Variants in JHY observed in about 807,000 individuals in gnomAD.
The protein encoded by JHY is jhy protein homolog.
Under a neutral mutation model 78.0 loss-of-function variants are expected in JHY, and 69 were observed. The ratio of observed to expected loss-of-function variants is 0.88; its 90% confidence interval spans 0.73 to 1.08. The LOEUF is 1.08. Among genes scored for constraint, JHY ranks in the 50% least tolerant of loss-of-function variants. JHY has a pLI of 0.00. For missense variants in JHY, 944 were observed against 927.8 expected, an observed-to-expected ratio of 1.02 and a Z score of -0.23; for synonymous variants, 368 against 342.6, an observed-to-expected ratio of 1.07 and a Z score of -0.82.
chr11:122,948,037 C>G (rs937288754), intron 6 of JHY, among the ~76,000 whole-genome samples: 24 of 152,158 alleles, frequency 1.6e-4, no homozygotes, highest in Non-Finnish European at 2.6e-4. Context: ...CATCAGCAGA[C>G]AACACTCCCA....
intron 2 of JHY, among the ~76,000 whole-genome samples, chr11:122,894,214 T>C (rs3107618): frequency 0.95 from 144,860 of 152,044 alleles, 69,060 homozygotes; most frequent in Middle Eastern, 0.99. Context: ...GGCTTAGGCA[T>C]GGGAATCGCT....
chr11:122,892,771 A>G (rs1427934830), intron 2 of JHY, among the ~76,000 whole-genome samples: 1 of 152,224 alleles, frequency 6.6e-6, no homozygotes, highest in Non-Finnish European at 1.5e-5. Flanking sequence ...AAGAGACCAC[A>G]GGTAGAGAAA....
In JHY at chr11:122,904,525, C is replaced by A. The variant is rs1164615201; in HGVS notation, c.864+81C>A. 29 of 1,437,248 alleles carry A rather than the reference C, an allele frequency of 2.0e-5. No individual in the cohort carries two copies. The East Asian group carries it at 6.6e-4, about 33-fold the overall frequency. The allele number at this position is 1,437,248 out of a possible 1,614,324, so 89.0% of individuals were successfully genotyped here. A position where few individuals can be genotyped will look rare whatever the true frequency, so the allele number is the denominator to read the frequency against. On this transcript the variant is annotated intron_variant, in intron 3 of 8. Coordinates refer to ENST00000227349, the MANE Select transcript of JHY (RefSeq NM_024806.4). ...TGTTTGCAGTGTCTAGATATCGCTT[C>A]CTTTAAGATGACGATGTCATAGCAG... is the stretch of plus-strand genomic sequence containing the variant.
chr11:122,915,405 C>G (rs759516158), intron 3 of JHY, among the ~76,000 whole-genome samples: 55 of 152,182 alleles, frequency 3.6e-4, no homozygotes, highest in African/African-American at 1.3e-3. Flanking sequence ...CCAAGAAACC[C>G]GGAAGAAAAG....
At chr11:122,939,134 C>T (rs1863818485) in intron 5 of JHY, among the ~76,000 whole-genome samples, 1 of 151,886 alleles carries the variant, frequency 6.6e-6, no homozygotes, top group Admixed American at 6.6e-5. Context: ...ACTACAGACG[C>T]CCATCACCAC....
chr11:122,934,809 C>T lies in JHY; in HGVS notation c.1368C>T (p.Asn456=), dbSNP rs1863715770. 5.6e-6 allele frequency: 9 copies of T among 1,614,164 alleles called. No individual in the cohort carries two copies. The highest frequency in any genetic ancestry group is 7.6e-6 in the Non-Finnish European group (9 of 1,180,036). The change falls in exon 5 of 9, where the codon AAC becomes AAT. Residue 456 remains asparagine (N), a synonymous_variant. Coordinates refer to ENST00000227349, the MANE Select transcript of JHY (RefSeq NM_024806.4). The part of the protein sequence containing the change: ...KQAFDKVLSK[N]STGCDSGLNV... The stretch of plus-strand genomic sequence containing the variant: ...CTTTTGACAAGGTCTTATCTAAAAA[C>T]TCTACTGGATGTGACTCTGGGCTGA...
chr11:122,890,117 G>C (rs1341048256), intron 2 of JHY, among the ~76,000 whole-genome samples: 2 of 151,530 alleles, frequency 1.3e-5, no homozygotes, highest in African/African-American at 4.9e-5. Context: ...TGAAAGAATT[G>C]ACAGGGTTTG....
chr11:122,899,800 C>T (rs374796483), intron 2 of JHY, among the ~76,000 whole-genome samples: 2 of 152,162 alleles, frequency 1.3e-5, no homozygotes, highest in South Asian at 2.1e-4. Flanking sequence ...GAATTTATCC[C>T]GATTTATAGA....
At chr11:122,937,412 G>A (rs934361340) in intron 5 of JHY, among the ~76,000 whole-genome samples, 9 of 151,906 alleles carry the variant, frequency 5.9e-5, no homozygotes, top group Admixed American at 4.6e-4. Context: ...CTCTTTCTTG[G>A]AGCCAGACTT....
chr11:122,891,825 C>G (rs1156513897), intron 2 of JHY, among the ~76,000 whole-genome samples: 1 of 152,102 alleles, frequency 6.6e-6, no homozygotes, highest in Non-Finnish European at 1.5e-5. Context: ...AAATTGACCT[C>G]TCTCCAAACG....
rs1864323045 is a variant in JHY at position 122,961,853 on chromosome 11, A to T, written c.*2408A>T. Among the ~76,000 whole-genome samples the T allele has an allele frequency of 6.6e-6, 1 of 152,252 alleles. No individual in the cohort carries two copies. Among genetic ancestry groups the T allele is most frequent in the African/African-American group, 2.4e-5 (1 of 41,468 alleles). On this transcript the variant is annotated 3_prime_UTR_variant, in exon 9 of 9. Coordinates refer to ENST00000227349, the MANE Select transcript of JHY (RefSeq NM_024806.4). Reference sequence around the variant, plus strand: ...GGCTGTGCCTGCTCAGATAGAACAAATCCTAATGTTGTTCTAACAGAGCAT... The same window carrying T: ...GGCTGTGCCTGCTCAGATAGAACAATTCCTAATGTTGTTCTAACAGAGCAT...
chr11:122,900,315 A>AG (rs1862823980), intron 2 of JHY, among the ~76,000 whole-genome samples: 1 of 152,182 alleles, frequency 6.6e-6, no homozygotes, highest in Non-Finnish European at 1.5e-5. Context: ...AATTAACATT[A>AG]GGGGGACCAT....
intron 6 of JHY, among the ~76,000 whole-genome samples, chr11:122,947,988 T>C (rs1864001397): frequency 6.6e-6 from 1 of 152,144 alleles, no homozygotes; most frequent in South Asian, 2.1e-4. Flanking sequence ...CAGCTCCACG[T>C]GGCTGAGGCA....
chr11:122,921,360 C>G (rs116142336), intron 3 of JHY, among the ~76,000 whole-genome samples: 2,859 of 152,286 alleles, frequency 0.019, 72 homozygotes, highest in African/African-American at 0.064. Flanking sequence ...GTCAGGGAAT[C>G]AGCATCCTCA....
chr11:122,928,530 G>T (rs1472177252), intron 4 of JHY, among the ~76,000 whole-genome samples: 1 of 150,238 alleles, frequency 6.7e-6, no homozygotes, highest in African/African-American at 2.4e-5. Context: ...TGTGGATTAG[G>T]TGCCTGGCCC....
intron 2 of JHY, among the ~76,000 whole-genome samples, chr11:122,900,998 A>G (rs1862845766): frequency 2.0e-5 from 3 of 152,220 alleles, no homozygotes; most frequent in Non-Finnish European, 4.4e-5. Context: ...ACAGTCATGC[A>G]TTGCCTGATG....
At position 122,885,862 on chromosome 11, in the gene JHY, A is replaced by T. The variant is rs1862483052; in HGVS notation, c.13A>T (p.Lys5Ter). 6.2e-7 allele frequency: 1 copy of T among 1,607,310 alleles called. No homozygotes were observed. The highest frequency in any genetic ancestry group is 2.2e-5 in the East Asian group (1 of 44,742). The part of the protein sequence containing the change: MSKR[K>*]LIPKLSIQSP... ...TGCATTTTTCAAGATGAGTAAACGT[A>T]AACTAATTCCCAAGCTCTCTATTCA... is the stretch of plus-strand genomic sequence containing the variant. The change falls in exon 2 of 9, where the codon AAA becomes TAA. Residue 5 changes from lysine (K) to a stop codon, truncating the protein, a stop_gained. Coordinates refer to ENST00000227349, the MANE Select transcript of JHY (RefSeq NM_024806.4). LOFTEE classifies it high-confidence loss of function.
At chr11:122,887,036 A>G (rs1394044202) in intron 2 of JHY, among the ~76,000 whole-genome samples, 1 of 152,220 alleles carries the variant, frequency 6.6e-6, no homozygotes, top group Non-Finnish European at 1.5e-5. Flanking sequence ...TGAGGCACTG[A>G]GGATATGAGA....
chr11:122,947,418 C>CT (rs1373573951), intron 6 of JHY: 5 of 152,246 alleles, frequency 3.3e-5, no homozygotes, highest in African/African-American at 4.8e-5. Context: ...GCACTTCAGT[C>CT]TTTTCTCATA....
Sources: gnomAD v4.1 joint callset for allele counts (sites outside exome capture counted in the v4.1 genomes callset) on GRCh38, gnomAD v4.1.1 for gene constraint, MANE v1.5 for transcripts, NCBI Gene and HGNC (gene_info 2026-07-23, HGNC 2026-07-21) for gene names.